PRORP: variants seen among roughly 807,000 people sequenced by gnomAD.
PRORP encodes mitochondrial ribonuclease P catalytic subunit.
Under a neutral mutation model 59.4 loss-of-function variants are expected in PRORP, and 51 were observed. The ratio of observed to expected loss-of-function variants is 0.86; its 90% CI spans 0.69 to 1.08. The LOEUF is 1.08. Among genes scored for constraint, PRORP ranks in the 50% least tolerant of loss-of-function variants. The pLI is 0.00. For missense variants in PRORP, 646 were observed against 690.3 expected, an observed-to-expected ratio of 0.94 and a Z score of 0.72; for synonymous variants, 231 against 245.6, an observed-to-expected ratio of 0.94 and a Z score of 0.55.
intron 5 of PRORP, among the ~76,000 whole-genome samples, chr14:35,266,319 A>T (rs1411555911): frequency 4.0e-5 from 2 of 49,406 alleles, no homozygotes; most frequent in Non-Finnish European, 1.2e-4. Context: ...CTCTGTCTCA[A>T]AAAAAAAAAA....
chr14:35,123,638 A>C lies in PRORP; in HGVS notation c.393A>C (p.Leu131Phe), dbSNP rs762932894. 6.8e-6 allele frequency: 11 copies of C among 1,614,100 alleles called. No homozygotes were observed. The South Asian group carries it at 1.2e-4, about 18-fold the overall frequency. Residue 131 changes from leucine to phenylalanine, a missense_variant, in exon 2 of 8, where the codon TTA (leucine) becomes TTC (phenylalanine). Transcript: ENST00000534898. ...AGTGGGATAAACTTAAGGAAGATTT[A>C]AAAGAAAACACCGGAAAGACCAGTT... The part of the protein sequence containing the change: ...SEEWDKLKED[L>F]KENTGKTSFE...
At chr14:35,230,938 A>AACACACACACACACACACACAC (rs60270535) in intron 5 of PRORP, among the ~76,000 whole-genome samples, 2 of 144,466 alleles carry the variant, frequency 1.4e-5, no homozygotes, top group East Asian at 2.1e-4. Flanking sequence ...AGGAAAAGAG[A>AACACACACACACACACACACAC]ACACACACAC....
chr14:35,189,161 A>T (rs987432471), intron 5 of PRORP, among the ~76,000 whole-genome samples: 8 of 152,182 alleles, frequency 5.3e-5, no homozygotes, highest in African/African-American at 1.9e-4. Flanking sequence ...TTTAACCTGT[A>T]AATCTAGGCA....
At chr14:35,261,429 T>C (rs1031840016) in intron 5 of PRORP, among the ~76,000 whole-genome samples, 1 of 152,196 alleles carries the variant, frequency 6.6e-6, no homozygotes, top group African/African-American at 2.4e-5. Flanking sequence ...TTCTGTCTTT[T>C]TAAAAAAATT....
chr14:35,180,854 C>CTTATT, intron 5 of PRORP, 77 bp downstream of exon 5: 1 of 906,750 alleles, frequency 1.1e-6, no homozygotes, highest in Non-Finnish European at 1.7e-6. Context: ...TCTTGGGGCT[C>CTTATT]TTAGCTCCTC....
intron 4 of PRORP, among the ~76,000 whole-genome samples, chr14:35,132,512 G>T (rs939435701): frequency 3.9e-5 from 6 of 151,906 alleles, no homozygotes; most frequent in Non-Finnish European, 7.4e-5. Flanking sequence ...TCCAGGCATT[G>T]TGGCTCACGC....
chr14:35,267,191 T>C (rs1280093116), intron 6 of PRORP, among the ~76,000 whole-genome samples: 1 of 152,050 alleles, frequency 6.6e-6, no homozygotes, highest in Non-Finnish European at 1.5e-5. Flanking sequence ...ATTTAGCAAA[T>C]ACTTGACAAA....
chr14:35,184,857 T>C (rs992455583), intron 5 of PRORP, among the ~76,000 whole-genome samples: 2 of 152,232 alleles, frequency 1.3e-5, no homozygotes, highest in Non-Finnish European at 1.5e-5. Context: ...CATGATCTCA[T>C]TCTTTTTTTG....
At chr14:35,222,664 A>G (rs188321979) in intron 5 of PRORP, 3 of 152,372 alleles carry the variant, frequency 2.0e-5, no homozygotes, top group South Asian at 2.1e-4. Context: ...TGGACTCCCA[A>G]GTTCTTTGCC....
At chr14:35,146,193 A>C (rs1407072564) in intron 4 of PRORP, among the ~76,000 whole-genome samples, 1 of 152,158 alleles carries the variant, frequency 6.6e-6, no homozygotes, top group Admixed American at 6.5e-5. Flanking sequence ...TGTGATTTAG[A>C]AGTTTTTAAA....
Position 35,123,706 on chromosome 14 carries a change from C to T in PRORP, c.461C>T (p.Ser154Phe). Residue 154 changes from serine to phenylalanine, a missense_variant, in exon 2 of 8, where the codon TCT (serine) becomes TTT (phenylalanine). Physicochemically the swap from Ser to Phe is radical, Grantham distance 155 (BLOSUM62 -2). Coordinates refer to ENST00000534898, the MANE Select transcript of PRORP (RefSeq NM_014672.4). ...TCACAGATGGCTGGCTGTCATAGCT[C>T]TATAGATGTGGCTAAATCTCTGCTG... ...IISQMAGCHS[S>F]IDVAKSLLAW... 1 of 1,614,178 alleles carries T rather than the reference C, an allele frequency of 6.2e-7. No individual in the cohort carries two copies. The highest frequency in any genetic ancestry group is 1.1e-5 in the South Asian group (1 of 91,086).
At chr14:35,218,526 TTTTTTTTTTTTTTTTG>T (rs1186629273) in intron 5 of PRORP, among the ~76,000 whole-genome samples, 1 of 43,492 alleles carries the variant, frequency 2.3e-5, no homozygotes, top group Non-Finnish European at 4.7e-5. Flanking sequence ...GTACTTTTTT[TTTTTTTTTTTTTTTTG>T]TTGAGACAGA....
At chr14:35,158,839 G>A in intron 4 of PRORP, 1 of 306,648 alleles carries the variant, frequency 3.3e-6, no homozygotes, top group Non-Finnish European at 6.4e-6. Flanking sequence ...AATTCTATGA[G>A]AAAGACTTGG....
Position 35,276,329 on chromosome 14 carries a change from G to A in PRORP, c.*2763G>A, listed in dbSNP as rs749079445. ...CTCAAAGGGAGGGAGGTAAGAATGAGAAGAAGGAACAGGGGTGTACCTCTT... is the reference window on the plus strand; with the variant it reads ...CTCAAAGGGAGGGAGGTAAGAATGAAAAGAAGGAACAGGGGTGTACCTCTT... On this transcript the variant is annotated 3_prime_UTR_variant, in exon 8 of 8. Transcript: ENST00000534898. The A allele has an allele frequency of 2.6e-5, 4 of 152,494 alleles. No homozygotes were observed. The highest frequency in any genetic ancestry group is 4.4e-5 in the Non-Finnish European group (3 of 68,360). The allele number at this position is 152,494 out of a possible 1,614,324, so 9.4% of individuals were successfully genotyped here.
At chr14:35,193,944 A>T (rs1212880971) in intron 5 of PRORP, among the ~76,000 whole-genome samples, 1 of 152,176 alleles carries the variant, frequency 6.6e-6, no homozygotes, top group Non-Finnish European at 1.5e-5. Context: ...TTCTTTGAAG[A>T]ACATACTGTC....
At chr14:35,242,027 T>C (rs2050382246) in intron 5 of PRORP, among the ~76,000 whole-genome samples, 1 of 152,176 alleles carries the variant, frequency 6.6e-6, no homozygotes, top group South Asian at 2.1e-4. Flanking sequence ...CCACCCGTGC[T>C]TCAGGTAGTA....
At chr14:35,177,860 C>T (rs559374934) in intron 4 of PRORP, among the ~76,000 whole-genome samples, 44 of 152,228 alleles carry the variant, frequency 2.9e-4, no homozygotes, top group African/African-American at 9.9e-4. Context: ...TAGATCTTTC[C>T]TGCTTTCTCT....
At chr14:35,263,037 G>A in intron 5 of PRORP, 1 of 1,566,438 alleles carries the variant, frequency 6.4e-7, no homozygotes, top group Admixed American at 1.7e-5. Context: ...TGATGAATAA[G>A]ATCTAAGAGT....
At chr14:35,146,133 A>G (rs144793951) in intron 4 of PRORP, among the ~76,000 whole-genome samples, 63 of 152,162 alleles carry the variant, frequency 4.1e-4, no homozygotes, top group African/African-American at 1.3e-3. Flanking sequence ...ACTCAGCCCC[A>G]TTTTGAACTT....
Sources: gnomAD v4.1 joint callset for allele counts (sites outside exome capture counted in the v4.1 genomes callset) on GRCh38, gnomAD v4.1.1 for gene constraint, MANE v1.5 for transcripts, NCBI Gene and HGNC (gene_info 2026-07-23, HGNC 2026-07-21) for gene names.